FAT1: variants seen among roughly 807,000 people sequenced by gnomAD.
The protein encoded by FAT1 is FAT atypical cadherin 1.
In FAT1, 171 loss-of-function variants were observed where a neutral mutation model predicts 329.8. The observed-to-expected ratio is 0.52, with a 90% CI of 0.46 to 0.59. The LOEUF is 0.59. FAT1 is among the 20% of genes least tolerant of loss of function. FAT1 has a pLI of 0.00. For synonymous variants in FAT1, 2,233 were observed against 2,228.6 expected, an observed-to-expected ratio of 1.00 and a Z score of -0.06; for missense variants, 5,672 against 5,774.4, an observed-to-expected ratio of 0.98 and a Z score of 0.57.
At chr4:186,624,493 T>C (rs180767452) in intron 9 of FAT1, among the ~76,000 whole-genome samples, 256 of 152,326 alleles carry the variant, frequency 1.7e-3, no homozygotes, top group African/African-American at 6.0e-3. Context: ...TTTCCAGGTA[T>C]TAAAATGGTT....
intron 2 of FAT1, among the ~76,000 whole-genome samples, chr4:186,686,097 A>G (rs551044010): frequency 4.6e-5 from 7 of 152,248 alleles, no homozygotes; most frequent in African/African-American, 1.7e-4. Context: ...ACAGACAACT[A>G]CTGTCTGGTT....
chr4:186,606,007 C>G (rs1170074074), intron 17 of FAT1, 63 bp downstream of exon 17: 1 of 1,482,290 alleles, frequency 6.7e-7, no homozygotes, highest in African/African-American at 1.4e-5. Context: ...AGAAAAGCAA[C>G]AGAGGCCAAT....
Position 186,611,734 on chromosome 4 carries a change from C to G in FAT1, c.9505G>C (p.Asp3169His), listed in dbSNP as rs2126470128. 6.3e-7 allele frequency: 1 copy of G among 1,586,680 alleles called. No homozygotes were observed. The highest frequency in any genetic ancestry group is 1.1e-5 in the South Asian group (1 of 87,186). The stretch of plus-strand genomic sequence containing the variant: ...AATTCGTTAATGGAGAACTGCCCAT[C>G]AGCAGAGTCAATCAGTGAGTATAAA... Reference protein sequence around the residue: ...KILYSLIDSADGQFSINELSG... With the variant: ...KILYSLIDSAHGQFSINELSG... The change falls in exon 14 of 27, where the codon GAT (aspartate) becomes CAT (histidine). Residue 3169 changes from aspartate to histidine, a missense_variant. Physicochemically the swap from Asp to His is moderately conservative, Grantham distance 81. Around this residue, in one of 2 missense-constraint regions of FAT1, gnomAD observed 1,706 missense variants for 1,859.1 expected, o/e 0.92. Transcript: ENST00000441802.
At chr4:186,713,594 C>T (rs888575602) in intron 1 of FAT1, among the ~76,000 whole-genome samples, 2 of 152,108 alleles carry the variant, frequency 1.3e-5, no homozygotes, top group Non-Finnish European at 2.9e-5. Context: ...GAGAGTTTCG[C>T]TACTCAAAAT....
At chr4:186,604,264 A>G in intron 18 of FAT1, 113 bp downstream of exon 18, 2 of 906,682 alleles carry the variant, frequency 2.2e-6, no homozygotes, top group South Asian at 3.5e-5. Context: ...CAGCAATTCT[A>G]TGAAAGTTTG....
chr4:186,597,221 G>T, intron 24 of FAT1, 50 bp from the exon 25 acceptor site: 3 of 1,498,398 alleles, frequency 2.0e-6, no homozygotes, highest in Non-Finnish European at 1.8e-6. Flanking sequence ...ATACGCCAGC[G>T]TATGTCAGGC....
intron 2 of FAT1, among the ~76,000 whole-genome samples, chr4:186,669,586 T>C (rs1742640082): frequency 6.6e-6 from 1 of 152,166 alleles, no homozygotes; most frequent in Non-Finnish European, 1.5e-5. Flanking sequence ...TAAGTAAGAA[T>C]ATTTATCATT....
At chr4:186,631,536 C>T (rs1291456331) in intron 7 of FAT1, among the ~76,000 whole-genome samples, 1 of 151,408 alleles carries the variant, frequency 6.6e-6, no homozygotes, top group Non-Finnish European at 1.5e-5. Context: ...TCAATCCCCG[C>T]GGTATGCTAG....
At chr4:186,607,377 G>A (rs955614024) in intron 16 of FAT1, among the ~76,000 whole-genome samples, 1 of 150,192 alleles carries the variant, frequency 6.7e-6, no homozygotes, top group African/African-American at 2.5e-5. Context: ...ATGGGTGGAT[G>A]GGTAACTGGA....
At chr4:186,616,960 A>G in intron 11 of FAT1, 45 bp downstream of exon 11, 1 of 1,539,520 alleles carries the variant, frequency 6.5e-7, no homozygotes, top group Non-Finnish European at 8.9e-7. Flanking sequence ...AAGAATTAAG[A>G]AATTGAAATT....
At chr4:186,635,302 G>T (rs1258180393) in intron 6 of FAT1, among the ~76,000 whole-genome samples, 1 of 101,448 alleles carries the variant, frequency 9.9e-6, no homozygotes, top group East Asian at 3.2e-4. Flanking sequence ...TAAAATGTGA[G>T]GAAACAATAA....
chr4:186,624,494 T>C (rs1486148762), intron 9 of FAT1, among the ~76,000 whole-genome samples: 1 of 152,166 alleles, frequency 6.6e-6, no homozygotes, highest in African/African-American at 2.4e-5. Flanking sequence ...TTCCAGGTAT[T>C]AAAATGGTTT....
chr4:186,603,450 C>T lies in FAT1; in HGVS notation c.11076G>A (p.Leu3692=), dbSNP rs1738919713. Residue 3692 remains leucine (L), a synonymous_variant, in exon 19 of 27, where the codon CTG becomes CTA. Transcript: ENST00000441802. ...SLQSSEPHPH[L]DVLLFVEKPG... ...GTTTCTCTACAAAAAGTAAGACGTC[C>T]AGATGTGGGTGAGGTTCAGAGGACT... The T allele has an allele frequency of 6.2e-7, 1 of 1,613,832 alleles. No homozygotes were observed. The highest frequency in any genetic ancestry group is 1.3e-5 in the African/African-American group (1 of 74,894).
chr4:186,656,921 A>T (rs1741928979), intron 3 of FAT1, among the ~76,000 whole-genome samples: 4 of 152,202 alleles, frequency 2.6e-5, no homozygotes. Flanking sequence ...TTTAAAAGCA[A>T]TAGCTGACCT....
Position 186,618,397 on chromosome 4 carries a change from C to T in FAT1, c.8189G>A (p.Ser2730Asn), listed in dbSNP as rs1424130519. The T allele has an allele frequency of 1.2e-6, 2 of 1,614,050 alleles. No homozygotes were observed. The highest frequency in any genetic ancestry group is 1.7e-6 in the Non-Finnish European group (2 of 1,179,894). The change falls in exon 10 of 27, where the codon AGT becomes AAT. Residue 2730 changes from serine to asparagine, a missense_variant. By Grantham distance (46) the Ser-to-Asn change is conservative. Coordinates refer to ENST00000441802, the MANE Select transcript of FAT1 (RefSeq NM_005245.4). The stretch of plus-strand genomic sequence containing the variant: ...GACCAGGCTGTAAAGAACAGTCCCA[C>T]TATGTTCTGCTCGGATGAGATCTAT... ...TEIDLIRAEH[S>N]GTVLYSLVKG...
chr4:186,659,993 C>T (rs1176366148), intron 3 of FAT1, among the ~76,000 whole-genome samples: 1 of 152,228 alleles, frequency 6.6e-6, no homozygotes, highest in Admixed American at 6.5e-5. Flanking sequence ...ACAGAAACAC[C>T]ATGAATCACA....
At chr4:186,701,942 G>A (rs969186249) in intron 2 of FAT1, among the ~76,000 whole-genome samples, 4 of 152,256 alleles carry the variant, frequency 2.6e-5, no homozygotes, top group African/African-American at 4.8e-5. Flanking sequence ...CACCTAAGCC[G>A]GGCGGCCAGG....
Position 186,707,660 on chromosome 4 carries a change from C to A in FAT1, c.2168G>T (p.Gly723Val), listed in dbSNP as rs2126690330. The A allele has an allele frequency of 6.2e-7, 1 of 1,613,952 alleles. No homozygotes were observed. Among genetic ancestry groups the A allele is most frequent in the Non-Finnish European group, 8.5e-7 (1 of 1,179,898 alleles). ...IPQFRSTLPT[G>V]IQVKENQPVG... ...AGGCTGGTTTTCCTTTACCTGAATA[C>A]CAGTCGGAAGAGTGCTTCTAAACTG... Residue 723 changes from glycine to valine, a missense_variant, in exon 2 of 27, where the codon GGT becomes GTT. Gly to Val is a moderately radical substitution (Grantham distance 109). This residue lies in a region of FAT1 where 3,966 missense variants were observed against 3,915.2 expected (regional missense o/e 1.01). Coordinates refer to ENST00000441802, the MANE Select transcript of FAT1 (RefSeq NM_005245.4).
chr4:186,725,091 G>C (rs546823594), upstream of FAT1, among the ~76,000 whole-genome samples: 6 of 152,244 alleles, frequency 3.9e-5, no homozygotes, highest in South Asian at 1.2e-3. This position sits in a 1 kb window ranked among gnomAD's most constrained non-coding sequence, Gnocchi z 5.4. Context: ...CTGCCCACCA[G>C]TTGGAATACA....
Sources: gnomAD v4.1 joint callset for allele counts (sites outside exome capture counted in the v4.1 genomes callset) on GRCh38, gnomAD v4.1.1 for gene constraint, gnomAD v4.1.1 regional missense constraint, Gnocchi (gnomAD v3.1) non-coding constraint, MANE v1.5 for transcripts, NCBI Gene and HGNC (gene_info 2026-07-23, HGNC 2026-07-21) for gene names.